The following ZNF250 variants were observed in gnomAD, a reference collection of about 807,000 sequenced individuals.
ZNF250 encodes zinc finger protein 250, also known as zinc finger protein (clone 647).
Under a neutral mutation model 37.1 loss-of-function variants are expected in ZNF250, and 13 were observed. That is an observed-to-expected ratio of 0.35 (90% confidence interval 0.23 to 0.56). The LOEUF (loss-of-function observed/expected upper bound fraction) is 0.56, where lower values mean the gene tolerates loss of function less well. Among genes scored for constraint, ZNF250 ranks in the 20% least tolerant of loss-of-function variants. The pLI, the probability that ZNF250 is intolerant of heterozygous loss-of-function variation, is 0.87. For synonymous variants in ZNF250, 251 were observed against 265.6 expected (o/e 0.94, Z 0.54); for missense variants, 474 against 697.9 (o/e 0.68, Z 3.61).
chr8:144,884,892 G>T (rs776831214), intron 5 of ZNF250, among the ~76,000 whole-genome samples: 1 of 152,170 alleles, frequency 6.6e-6, no homozygotes. Flanking sequence ...TCATGTCACA[G>T]TGGTTTTGAT....
Position 144,880,700 on chromosome 8 carries a change from C to A in ZNF250, c.*815G>T. The A allele has an allele frequency of 6.1e-6, 2 of 325,374 alleles. No homozygotes were observed. Among genetic ancestry groups the A allele is most frequent in the Non-Finnish European group, 1.2e-5 (2 of 161,154 alleles). The allele number at this position is 325,374 out of a possible 1,614,324, so 20.2% of individuals were successfully genotyped here. On this transcript the variant is annotated 3_prime_UTR_variant, in exon 6 of 6. Transcript: ENST00000417550. ...CCAACACGGTGAAACTCCGTCTCTACTAAAAATACAAAAATTAGCCAGGTG... is the reference window on the plus strand; with the variant it reads ...CCAACACGGTGAAACTCCGTCTCTAATAAAAATACAAAAATTAGCCAGGTG...
Position 144,880,494 on chromosome 8 carries a change from C to T in ZNF250, c.*1021G>A, listed in dbSNP as rs780908151. The T allele has an allele frequency of 4.6e-5, 21 of 456,450 alleles. No individual in the cohort carries two copies. Among genetic ancestry groups the T allele is most frequent in the African/African-American group, 8.0e-5 (4 of 50,008 alleles). The allele number at this position is 456,450 out of a possible 1,614,324, so 28.3% of individuals were successfully genotyped here. On this transcript the variant is annotated 3_prime_UTR_variant, in exon 6 of 6. Transcript: ENST00000417550. ...TAAGGGCAAGTTTTGAGGAAAATAC[C>T]CATTTTTGAGTTGAATTTTTACTAA...
In ZNF250 at chr8:144,877,876, A is replaced by T. The variant is rs181623460; in HGVS notation, c.*3639T>A. 2 of 152,370 alleles carry T rather than the reference A, an allele frequency of 1.3e-5. No homozygotes were observed. The highest frequency in any genetic ancestry group is 4.8e-5 in the African/African-American group (2 of 41,576). The allele number at this position is 152,370 out of a possible 1,614,324, so 9.4% of individuals were successfully genotyped here. A position where few individuals can be genotyped will look rare whatever the true frequency, so the allele number is the denominator to read the frequency against. On this transcript the variant is annotated 3_prime_UTR_variant, in exon 6 of 6. Transcript: ENST00000417550. Reference sequence around the variant, plus strand: ...TTGTCCTGTGATACACAGTCTTTCTAAACAAATGTTCCTGTATATTGAATT... The same window carrying T: ...TTGTCCTGTGATACACAGTCTTTCTTAACAAATGTTCCTGTATATTGAATT...
At position 144,880,787 on chromosome 8, in the gene ZNF250, C is replaced by G; in HGVS notation, c.*728G>C. ...ACTGAGGCACAAGAAAAGCTTGAAC[C>G]TGGGGTGGGGGCGGAGACTGCAGTG... On this transcript the variant is annotated 3_prime_UTR_variant, in exon 6 of 6. Coordinates refer to ENST00000417550, the MANE Select transcript of ZNF250 (RefSeq NM_001109689.4). 1 of 277,266 alleles carries G rather than the reference C, an allele frequency of 3.6e-6. No individual in the cohort carries two copies. Among genetic ancestry groups the G allele is most frequent in the Non-Finnish European group, 7.4e-6 (1 of 135,908 alleles). 17.2% of individuals were successfully genotyped at this position (277,266 alleles called of 1,614,324 possible).
At chr8:144,898,803 A>G (rs537084831) in intron 1 of ZNF250, among the ~76,000 whole-genome samples, 17 of 152,370 alleles carry the variant, frequency 1.1e-4, no homozygotes, top group Admixed American at 1.0e-3. Context: ...TCAAAAAAAG[A>G]CAATATGTAT....
intron 1 of ZNF250, among the ~76,000 whole-genome samples, chr8:144,894,780 C>T (rs1832595617): frequency 6.6e-6 from 1 of 152,052 alleles, no homozygotes; most frequent in African/African-American, 2.4e-5. Context: ...ACTTCAGCAT[C>T]CCAAGTAGCT....
chr8:144,890,290 G>T lies in ZNF250; in HGVS notation c.42+18C>A. ...GGCTCGGGCTGGGGGCACTGCATAA[G>T]CACTGGGGACAGCTTACCTGGGGTC... On this transcript the variant is annotated intron_variant, in intron 2 of 5. Transcript: ENST00000417550. This position sits in a 1 kb window ranked among gnomAD's most constrained non-coding sequence, Gnocchi z 5.1. The T allele has an allele frequency of 6.5e-7, 1 of 1,538,020 alleles. No homozygotes were observed. Among genetic ancestry groups the T allele is most frequent in the Non-Finnish European group, 8.8e-7 (1 of 1,138,488 alleles).
intron 5 of ZNF250, among the ~76,000 whole-genome samples, 173 bp from the exon 6 acceptor site, chr8:144,883,009 GATA>G (rs1376809196): frequency 6.6e-6 from 1 of 152,212 alleles, no homozygotes; most frequent in Non-Finnish European, 1.5e-5. Context: ...GATATCAGAA[GATA>G]ATGTTTCCAG....
chr8:144,898,908 A>G (rs79577692), intron 1 of ZNF250, among the ~76,000 whole-genome samples: 3,990 of 152,352 alleles, frequency 0.026, 73 homozygotes, highest in South Asian at 0.045. Flanking sequence ...GGAAGTCAGT[A>G]TATCAAAAAG....
rs147471227 is a variant in ZNF250 at position 144,879,385 on chromosome 8, A to G, written c.*2130T>C. ...GAAGGGGGAACAAGCTTTTGTCTACATCGTGGTGTTTTGCTGTGGACTTAA... is the reference window on the plus strand; with the variant it reads ...GAAGGGGGAACAAGCTTTTGTCTACGTCGTGGTGTTTTGCTGTGGACTTAA... On this transcript the variant is annotated 3_prime_UTR_variant, in exon 6 of 6. Coordinates refer to ENST00000417550, the MANE Select transcript of ZNF250 (RefSeq NM_001109689.4). 162 of 152,342 alleles carry G rather than the reference A, an allele frequency of 1.1e-3. 1 individual carries two copies. The highest frequency in any genetic ancestry group is 3.7e-3 in the African/African-American group (155 of 41,568). The allele number at this position is 152,342 out of a possible 1,614,324, so 9.4% of individuals were successfully genotyped here. A position where few individuals can be genotyped will look rare whatever the true frequency, so the allele number is the denominator to read the frequency against.
chr8:144,889,572 C>T lies in ZNF250; in HGVS notation c.283+9G>A, dbSNP rs1287704035. ...CTCAGTGAGGGAGGGGCCAGCTCTC[C>T]TCACTCACCTGAGTAGTCACTCCAC... On this transcript the variant is annotated intron_variant, in intron 4 of 5. Transcript: ENST00000417550. 1 of 1,610,584 alleles carries T rather than the reference C, an allele frequency of 6.2e-7. No individual in the cohort carries two copies. Among genetic ancestry groups the T allele is most frequent in the Non-Finnish European group, 8.5e-7 (1 of 1,177,164 alleles).
At chr8:144,899,214 C>T (rs898882693) in intron 1 of ZNF250, among the ~76,000 whole-genome samples, 4 of 151,494 alleles carry the variant, frequency 2.6e-5, no homozygotes, top group Non-Finnish European at 5.9e-5. Context: ...TGATGATTAC[C>T]AGAGGATGGG....
At chr8:144,889,835 A>T in intron 3 of ZNF250, 98 bp downstream of exon 3, 1 of 1,488,350 alleles carries the variant, frequency 6.7e-7, no homozygotes. Flanking sequence ...ATGAGAGCAA[A>T]CCTCCAGGAC....
intron 4 of ZNF250, among the ~76,000 whole-genome samples, chr8:144,888,200 C>T (rs1832034314): frequency 1.3e-5 from 2 of 152,226 alleles, no homozygotes; most frequent in Non-Finnish European, 2.9e-5. Context: ...AGGTCTTGTA[C>T]ATCTTTTGTT....
chr8:144,880,297 T>A lies in ZNF250; in HGVS notation c.*1218A>T, dbSNP rs1831376604. 2.8e-6 allele frequency: 1 copy of A among 356,088 alleles called. No homozygotes were observed. Among genetic ancestry groups the A allele is most frequent in the Non-Finnish European group, 5.8e-6 (1 of 171,082 alleles). The allele number at this position is 356,088 out of a possible 1,614,324, so 22.1% of individuals were successfully genotyped here. Reference sequence around the variant, plus strand: ...TTGAGAAATGTATGTTTTAAATATATCTACCAAAGAACAGTATTTTCAGCA... The same window carrying A: ...TTGAGAAATGTATGTTTTAAATATAACTACCAAAGAACAGTATTTTCAGCA... On this transcript the variant is annotated 3_prime_UTR_variant, in exon 6 of 6. Coordinates refer to ENST00000417550, the MANE Select transcript of ZNF250 (RefSeq NM_001109689.4).
Position 144,881,850 on chromosome 8 carries a change from G to A in ZNF250, c.1333C>T (p.Pro445Ser). ...QHQRVHTGEK[P>S]YVCGECGHAF... Reference sequence around the variant, plus strand: ...TGCCCACATTCACCACACACATAGGGCTTCTCCCCAGTGTGGACTCTCTGG... The same window carrying A: ...TGCCCACATTCACCACACACATAGGACTTCTCCCCAGTGTGGACTCTCTGG... The change falls in exon 6 of 6, where the codon CCC becomes TCC. Residue 445 changes from proline (P) to serine (S), a missense_variant. Physicochemically the swap from Pro to Ser is moderately conservative, Grantham distance 74 (BLOSUM62 -1). Transcript: ENST00000417550. 1 of 1,614,222 alleles carries A rather than the reference G, an allele frequency of 6.2e-7. No individual in the cohort carries two copies. Among genetic ancestry groups the A allele is most frequent in the Non-Finnish European group, 8.5e-7 (1 of 1,180,040 alleles).
chr8:144,898,521 A>G (rs11248214), intron 1 of ZNF250, among the ~76,000 whole-genome samples: 3,306 of 152,304 alleles, frequency 0.022, 72 homozygotes, highest in Admixed American at 0.075. Flanking sequence ...ACTTGAGGAC[A>G]CTCATGTGGG....
In ZNF250 at chr8:144,880,829, C is replaced by T. The variant is rs1831418049; in HGVS notation, c.*686G>A. ...ACTGCAGTGAGCCAAGATCATGCCA[C>T]TGCACTGCAGCTTGGGCAACAGAGC... is the stretch of plus-strand genomic sequence containing the variant. On this transcript the variant is annotated 3_prime_UTR_variant, in exon 6 of 6. Transcript: ENST00000417550. The T allele has an allele frequency of 4.4e-6, 1 of 227,756 alleles. No homozygotes were observed. Among genetic ancestry groups the T allele is most frequent in the Admixed American group, 4.9e-5 (1 of 20,448 alleles). 14.1% of individuals were successfully genotyped at this position (227,756 alleles called of 1,614,324 possible). A position where few individuals can be genotyped will look rare whatever the true frequency, so the allele number is the denominator to read the frequency against.
At position 144,881,990 on chromosome 8, in the gene ZNF250, G is replaced by A; in HGVS notation, c.1193C>T (p.Thr398Ile). ...CATCAGTGTGGAGCGGTGGCTGAAGGTCTTCCCACACTCACTGCACTCATA... is the reference window on the plus strand; with the variant it reads ...CATCAGTGTGGAGCGGTGGCTGAAGATCTTCCCACACTCACTGCACTCATA... ...KPYECSECGKTFSHRSTLMNH... is the reference protein window; with the variant it reads ...KPYECSECGKIFSHRSTLMNH... The change falls in exon 6 of 6, where the codon ACC becomes ATC. Residue 398 changes from threonine to isoleucine, a missense_variant. Transcript: ENST00000417550. 6.2e-7 allele frequency: 1 copy of A among 1,614,042 alleles called. No homozygotes were observed. The highest frequency in any genetic ancestry group is 8.5e-7 in the Non-Finnish European group (1 of 1,180,000).
Sources: allele counts gnomAD v4.1 joint callset (sites outside exome capture counted in the v4.1 genomes callset), GRCh38; gene constraint gnomAD v4.1.1; non-coding constraint Gnocchi (gnomAD v3.1); transcripts MANE v1.5; gene names NCBI Gene and HGNC (gene_info 2026-07-23, HGNC 2026-07-21).